The following SDHB variants were observed in gnomAD, a reference collection of about 807,000 sequenced individuals.
SDHB encodes succinate dehydrogenase complex iron sulfur subunit B, also known as succinate dehydrogenase [ubiquinone] iron-sulfur subunit, mitochondrial.
In SDHB, 21 loss-of-function variants were observed where a neutral mutation model predicts 39.7. That is an observed-to-expected ratio of 0.53 (90% CI 0.37 to 0.76). The LOEUF is 0.76. Ranked by LOEUF, SDHB falls within the 30% of genes least tolerant of loss-of-function variation. The pLI is 0.00. For missense variants in SDHB, 343 were observed against 350.9 expected, an observed-to-expected ratio of 0.98 and a Z score of 0.18; for synonymous variants, 118 against 117.0, an observed-to-expected ratio of 1.01 and a Z score of -0.06.
intron 1 of SDHB, among the ~76,000 whole-genome samples, chr1:17,053,699 G>GT (rs1346182646): frequency 7.0e-6 from 1 of 142,254 alleles, no homozygotes; most frequent in Non-Finnish European, 1.5e-5. Context: ...CTTTCTGAAC[G>GT]TCCCCCCCCC....
In SDHB at chr1:17,027,760, G is replaced by A. The variant is rs149091125; in HGVS notation, c.529C>T (p.Arg177Cys). 10 of 1,584,240 alleles carry A rather than the reference G, an allele frequency of 6.3e-6. No homozygotes were observed. The highest frequency in any genetic ancestry group is 1.1e-5 in the South Asian group (1 of 90,446). Reference sequence around the variant, plus strand: ...TAGGGACTAATGACCAGTTTCTCACGCTCTTCTATGGACTGCAGATACTGC... The same window carrying A: ...TAGGGACTAATGACCAGTTTCTCACACTCTTCTATGGACTGCAGATACTGC... ...KQQYLQSIEE[R>C]EKLDGLYECI... Residue 177 changes from arginine to cysteine, a missense_variant, in exon 5 of 8, where the codon CGT becomes TGT. Transcript: ENST00000375499.
At chr1:17,040,852 G>A (rs766433465) in intron 2 of SDHB, among the ~76,000 whole-genome samples, 2 of 152,066 alleles carry the variant, frequency 1.3e-5, no homozygotes, top group Non-Finnish European at 1.5e-5. Context: ...AATTTCGGCC[G>A]GGCATGGTGG....
At chr1:17,032,495 T>C (rs879235213) in intron 3 of SDHB, 8 of 158,278 alleles carry the variant, frequency 5.1e-5, no homozygotes, top group Non-Finnish European at 1.1e-4. Context: ...GCAGTAATTA[T>C]ATTTTTCTAA....
chr1:17,033,015 G>T, intron 3 of SDHB, 45 bp downstream of exon 3: 2 of 1,482,742 alleles, frequency 1.3e-6, no homozygotes, highest in Non-Finnish European at 1.9e-6. Context: ...AAGCCTCTTT[G>T]GAAGACCACA....
At chr1:17,027,460 G>C (rs946682655) in intron 5 of SDHB, among the ~76,000 whole-genome samples, 3 of 152,232 alleles carry the variant, frequency 2.0e-5, no homozygotes, top group Non-Finnish European at 4.4e-5. Flanking sequence ...TTAAAGCCCA[G>C]GCAATTTACA....
chr1:17,025,754 C>T (rs1248796799), intron 5 of SDHB, among the ~76,000 whole-genome samples: 2 of 152,134 alleles, frequency 1.3e-5, no homozygotes, highest in Non-Finnish European at 2.9e-5. Context: ...GTTCAGCATA[C>T]TAATTTAAGG....
At chr1:17,053,517 T>C (rs2078160109) in intron 1 of SDHB, among the ~76,000 whole-genome samples, 1 of 152,084 alleles carries the variant, frequency 6.6e-6, no homozygotes, top group Non-Finnish European at 1.5e-5. Context: ...CTCGCACCCT[T>C]GAGGAATTAC....
chr1:17,029,881 A>G (rs911989772), intron 3 of SDHB, among the ~76,000 whole-genome samples: 2 of 152,214 alleles, frequency 1.3e-5, no homozygotes, highest in Admixed American at 6.5e-5. Context: ...CTACAGGCAC[A>G]TGCCGCCATG....
chr1:17,035,308 T>G (rs2078045099), intron 2 of SDHB, among the ~76,000 whole-genome samples: 1 of 152,132 alleles, frequency 6.6e-6, no homozygotes, highest in African/African-American at 2.4e-5. Flanking sequence ...TTAAAAAAAA[T>G]TTTAAGTTAC....
Position 17,045,024 on chromosome 1 carries a change from G to A in SDHB, c.73-136C>T, listed in dbSNP as rs566485696. Reference sequence around the variant, plus strand: ...CACATAATCTTCTTAGAAAAGGCAGGCATTCAATATCCAACAAGTATTAAG... The same window carrying A: ...CACATAATCTTCTTAGAAAAGGCAGACATTCAATATCCAACAAGTATTAAG... On this transcript the variant is annotated intron_variant, in intron 1 of 7. Transcript: ENST00000375499. 5.1e-6 allele frequency: 4 copies of A among 780,194 alleles called. No homozygotes were observed. In the East Asian group the frequency reaches 8.1e-5, roughly 16 times the overall value. The allele number at this position is 780,194 out of a possible 1,614,324, so 48.3% of individuals were successfully genotyped here.
intron 2 of SDHB, among the ~76,000 whole-genome samples, chr1:17,041,034 G>C (rs1440727737): frequency 1.3e-5 from 2 of 152,158 alleles, no homozygotes; most frequent in African/African-American, 4.8e-5. Flanking sequence ...GGAGGCTGAG[G>C]TGGGAGAATC....
chr1:17,023,792 C>G (rs569291710), intron 6 of SDHB, among the ~76,000 whole-genome samples, 181 bp downstream of exon 6: 2 of 152,374 alleles, frequency 1.3e-5, no homozygotes, highest in East Asian at 3.9e-4. Flanking sequence ...AATTTGCAGA[C>G]AAGGCCCCAG....
At chr1:17,050,609 G>A (rs1316509775) in intron 1 of SDHB, among the ~76,000 whole-genome samples, 3 of 149,782 alleles carry the variant, frequency 2.0e-5, no homozygotes, top group Non-Finnish European at 3.0e-5. Flanking sequence ...CCAAGATTCC[G>A]CCACTGCACT....
At chr1:17,032,677 C>T (rs1450580239) in intron 3 of SDHB, 2 of 323,070 alleles carry the variant, frequency 6.2e-6, no homozygotes, top group Non-Finnish European at 1.2e-5. Flanking sequence ...CTGAGGGAGA[C>T]TCACACATCT....
intron 1 of SDHB, among the ~76,000 whole-genome samples, chr1:17,052,015 T>A (rs371180667): frequency 6.7e-6 from 1 of 148,862 alleles, no homozygotes; most frequent in African/African-American, 2.5e-5. Flanking sequence ...CTAATTTTTT[T>A]TTTATTTTTT....
At chr1:17,048,816 T>C (rs986657178) in intron 1 of SDHB, among the ~76,000 whole-genome samples, 5 of 151,942 alleles carry the variant, frequency 3.3e-5, no homozygotes, top group Middle Eastern at 3.4e-3. Flanking sequence ...CTTCAAGTGA[T>C]TCTTCTGCCT....
At position 17,053,970 on chromosome 1, in the gene SDHB, G is replaced by A. The variant is rs138979875; in HGVS notation, c.50C>T (p.Thr17Ile). ...CACCTGCAGGCAGGCTCCGCCAAGG[G>A]TTGTGGCCGGCAACCGGCGCCTCAA... ...LSLRRRLPAT[T>I]LGGACLQASR... The change falls in exon 1 of 8, where the codon ACC (threonine) becomes ATC (isoleucine). Residue 17 changes from threonine (T) to isoleucine (I), a missense_variant. Transcript: ENST00000375499. 1.4e-5 allele frequency: 22 copies of A among 1,613,078 alleles called. No homozygotes were observed. The highest frequency in any genetic ancestry group is 5.1e-6 in the Non-Finnish European group (6 of 1,179,662).
At chr1:17,025,664 A>C (rs1426908878) in intron 5 of SDHB, among the ~76,000 whole-genome samples, 1 of 152,220 alleles carries the variant, frequency 6.6e-6, no homozygotes, top group African/African-American at 2.4e-5. Flanking sequence ...AGCCTCTCTG[A>C]ACCTATTTTG....
chr1:17,037,083 G>A (rs919250707), intron 2 of SDHB, among the ~76,000 whole-genome samples: 4 of 152,072 alleles, frequency 2.6e-5, no homozygotes, highest in Non-Finnish European at 5.9e-5. Flanking sequence ...ACAAAGTAGG[G>A]TTTCAGAGTC....
Sources: allele counts gnomAD v4.1 joint callset (sites outside exome capture counted in the v4.1 genomes callset), GRCh38; gene constraint gnomAD v4.1.1; transcripts MANE v1.5; gene names NCBI Gene and HGNC (gene_info 2026-07-23, HGNC 2026-07-21).